Variants in MBP observed in about 807,000 individuals in gnomAD.
MBP encodes Golli-MBP.
MBP carries 16 observed loss-of-function variants against 35.8 expected under a neutral mutation model. The observed-to-expected ratio is 0.45, with a 90% CI of 0.30 to 0.68. The LOEUF (loss-of-function observed/expected upper bound fraction) is 0.68. Among genes scored for constraint, MBP ranks in the 30% least tolerant of loss-of-function variants. MBP has a pLI of 0.08. For missense variants in MBP, 380 were observed against 404.7 expected, an observed-to-expected ratio of 0.94 and a Z score of 0.52; for synonymous variants, 143 against 159.6, an observed-to-expected ratio of 0.90 and a Z score of 0.78.
intron 3 of MBP, among the ~76,000 whole-genome samples, chr18:77,018,573 C>T (rs1971798918): frequency 6.7e-6 from 1 of 148,360 alleles, no homozygotes; most frequent in Non-Finnish European, 1.5e-5. Context: ...TCCACTCATC[C>T]ATCCATTCAT....
At chr18:77,047,858 C>A (rs1157289210) in intron 3 of MBP, among the ~76,000 whole-genome samples, 1 of 152,024 alleles carries the variant, frequency 6.6e-6, no homozygotes, top group Non-Finnish European at 1.5e-5. Context: ...CAGAACAGGC[C>A]AGTGAATAAG....
intron 8 of MBP, 93 bp from the exon 9 acceptor site, chr18:76,980,564 C>T: frequency 1.1e-6 from 1 of 932,286 alleles, no homozygotes. Flanking sequence ...GGATGCTGAG[C>T]CATTGGGTGT....
chr18:77,118,793 AC>A (rs1976794919), intron 1 of MBP, among the ~76,000 whole-genome samples: 1 of 145,282 alleles, frequency 6.9e-6, no homozygotes, highest in Non-Finnish European at 1.5e-5. Context: ...CACACTCCAC[AC>A]CCCCTACACA....
At chr18:77,046,723 C>A (rs1973273321) in intron 3 of MBP, among the ~76,000 whole-genome samples, 1 of 152,254 alleles carries the variant, frequency 6.6e-6, no homozygotes, top group Non-Finnish European at 1.5e-5. Flanking sequence ...ATTCCATAGT[C>A]TCTCCAAAGA....
At chr18:77,062,731 T>C (rs1487422955) in intron 3 of MBP, among the ~76,000 whole-genome samples, 1 of 152,200 alleles carries the variant, frequency 6.6e-6, no homozygotes, top group Admixed American at 6.5e-5. Flanking sequence ...GAGCACTCAA[T>C]GTGTGAACCA....
chr18:76,995,349 G>T (rs570190200), intron 4 of MBP, among the ~76,000 whole-genome samples: 18 of 152,190 alleles, frequency 1.2e-4, no homozygotes, highest in Non-Finnish European at 2.2e-4. Context: ...TTCTAAAACT[G>T]TATGGAAATC....
chr18:77,113,734 G>A (rs904707432), intron 1 of MBP: 2 of 152,872 alleles, frequency 1.3e-5, no homozygotes, highest in African/African-American at 4.8e-5. Flanking sequence ...TGCACTCATG[G>A]GGGGATTGGG....
At chr18:77,021,399 T>C (rs573779893) in intron 3 of MBP, among the ~76,000 whole-genome samples, 124 of 152,066 alleles carry the variant, frequency 8.2e-4, no homozygotes, top group Non-Finnish European at 1.4e-3. Flanking sequence ...CACTATTGAC[T>C]AAGCCAGATG....
chr18:77,030,477 C>T (rs551736139), intron 3 of MBP, among the ~76,000 whole-genome samples: 8 of 152,312 alleles, frequency 5.3e-5, no homozygotes, highest in East Asian at 1.9e-4. Context: ...TGGAGCAGGA[C>T]GGCCCTGTGG....
intron 3 of MBP, among the ~76,000 whole-genome samples, chr18:77,031,026 C>T (rs986781979): frequency 1.2e-4 from 18 of 151,982 alleles, no homozygotes; most frequent in African/African-American, 4.1e-4. Flanking sequence ...GCCATACAGA[C>T]ACTGTTTTAG....
chr18:76,985,605 G>A (rs1027984891), intron 7 of MBP: 4 of 1,067,900 alleles, frequency 3.7e-6, no homozygotes, highest in South Asian at 2.8e-5. Flanking sequence ...ACAGAGGGAG[G>A]AGGCAGGCCT....
chr18:77,124,619 A>G (rs1217913677), intron 1 of MBP, among the ~76,000 whole-genome samples: 1 of 152,240 alleles, frequency 6.6e-6, no homozygotes, highest in East Asian at 1.9e-4. Flanking sequence ...GAAAGGAGCA[A>G]AGTCTCCCTC....
chr18:76,984,364 G>A (rs1028989243), intron 8 of MBP: 4 of 214,422 alleles, frequency 1.9e-5, no homozygotes, highest in Non-Finnish European at 3.8e-5. Context: ...ACTCCCTGGA[G>A]GTCTCCTGGG....
chr18:77,066,434 AT>A, intron 2 of MBP, 49 bp from the exon 3 acceptor site: 1 of 1,193,102 alleles, frequency 8.4e-7, no homozygotes, highest in South Asian at 1.2e-5. Context: ...AAATTGTTTT[AT>A]CAACAAAATA....
At chr18:77,107,752 G>C (rs1463140555) in intron 1 of MBP, among the ~76,000 whole-genome samples, 1 of 152,186 alleles carries the variant, frequency 6.6e-6, no homozygotes, top group African/African-American at 2.4e-5. Flanking sequence ...GAAAACTCAA[G>C]AATACTGGAC....
At chr18:77,031,259 A>C (rs1324406782) in intron 3 of MBP, among the ~76,000 whole-genome samples, 3 of 152,176 alleles carry the variant, frequency 2.0e-5, no homozygotes, top group Non-Finnish European at 4.4e-5. Context: ...TGGAGTTGTT[A>C]CAATTGGCTT....
intron 8 of MBP, chr18:76,981,763 G>T (rs915371217): frequency 2.6e-5 from 4 of 152,294 alleles, no homozygotes; most frequent in Admixed American, 2.6e-4. Context: ...CCTCGGGAGC[G>T]TGGGTTTTTC....
At chr18:77,068,704 A>G (rs893426546) in intron 2 of MBP, among the ~76,000 whole-genome samples, 1 of 152,236 alleles carries the variant, frequency 6.6e-6, no homozygotes, top group Non-Finnish European at 1.5e-5. Flanking sequence ...CGAGTCACAG[A>G]GTCCCACGAA....
chr18:77,072,796 G>A lies in MBP; in HGVS notation c.52-6411C>T, dbSNP rs555429546. On this transcript the variant is annotated intron_variant, in intron 2 of 8. Transcript: ENST00000355994. Reference sequence around the variant, plus strand: ...CAAAGTGAGATCTTAAGCGAGTCAAGCTCCCTCCACCTCAGTATCCCCAGG... The same window carrying A: ...CAAAGTGAGATCTTAAGCGAGTCAAACTCCCTCCACCTCAGTATCCCCAGG... Among the ~76,000 whole-genome samples, 3 of 152,334 alleles carry A rather than the reference G, an allele frequency of 2.0e-5. No homozygotes were observed. In the South Asian group the frequency reaches 6.2e-4, roughly 32 times the overall value.
Sources: allele counts gnomAD v4.1 joint callset (sites outside exome capture counted in the v4.1 genomes callset), GRCh38; gene constraint gnomAD v4.1.1; transcripts MANE v1.5; gene names NCBI Gene and HGNC (gene_info 2026-07-23, HGNC 2026-07-21).